CCDC73: variants seen among roughly 807,000 people sequenced by gnomAD.
The protein encoded by CCDC73 is coiled-coil domain containing 73.
A neutral mutation model predicts 116.5 loss-of-function variants in CCDC73; 95 were observed. The observed-to-expected ratio is 0.82, with a 90% CI of 0.69 to 0.97. The LOEUF (loss-of-function observed/expected upper bound fraction) is 0.97. Among genes scored for constraint, CCDC73 ranks in the 50% least tolerant of loss-of-function variants. The pLI, the probability that CCDC73 is intolerant of heterozygous loss-of-function variation, is 0.00. For synonymous variants in CCDC73, 398 were observed against 401.3 expected (o/e 0.99, Z 0.10); for missense variants, 1,066 against 1,206.8 (o/e 0.88, Z 1.73).
intron 13 of CCDC73, among the ~76,000 whole-genome samples, chr11:32,639,724 C>T (rs1460348843): frequency 2.0e-5 from 3 of 152,334 alleles, no homozygotes; most frequent in East Asian, 3.9e-4. Context: ...GCTGGGATTA[C>T]AGGCATGAGC....
Position 32,614,447 on chromosome 11 carries a change from T to C in CCDC73, c.1871A>G (p.Gln624Arg), listed in dbSNP as rs1855455682. The C allele has an allele frequency of 6.2e-7, 1 of 1,613,528 alleles. No homozygotes were observed. The highest frequency in any genetic ancestry group is 1.3e-5 in the African/African-American group (1 of 74,900). Residue 624 changes from glutamine (Q) to arginine (R), a missense_variant, in exon 16 of 18, where the codon CAA (glutamine) becomes CGA (arginine). Physicochemically the swap from Gln to Arg is conservative, Grantham distance 43. Coordinates refer to ENST00000335185, the MANE Select transcript of CCDC73 (RefSeq NM_001008391.4). Reference sequence around the variant, plus strand: ...AGACGAGTCCAAATCTGCTTTGGTTTGGTCACTATTTGTAATTTCCTTCTC... The same window carrying C: ...AGACGAGTCCAAATCTGCTTTGGTTCGGTCACTATTTGTAATTTCCTTCTC... ...ALEKEITNSD[Q>R]TKADLDSSLD...
At chr11:32,671,167 T>C (rs1479932442) in intron 9 of CCDC73, among the ~76,000 whole-genome samples, 1 of 152,124 alleles carries the variant, frequency 6.6e-6, no homozygotes, top group East Asian at 1.9e-4. Flanking sequence ...GTCATAAATA[T>C]TGCGCTCTTT....
chr11:32,746,137 T>G (rs924802946), intron 2 of CCDC73, among the ~76,000 whole-genome samples: 4 of 152,214 alleles, frequency 2.6e-5, no homozygotes, highest in African/African-American at 9.6e-5. Flanking sequence ...ACAAAATCTC[T>G]CAGCATTTGC....
At chr11:32,694,171 G>A (rs1359434104) in intron 6 of CCDC73, among the ~76,000 whole-genome samples, 3 of 152,136 alleles carry the variant, frequency 2.0e-5, no homozygotes, top group Non-Finnish European at 4.4e-5. Flanking sequence ...AAACCCCATC[G>A]TCTCAGCCCA....
chr11:32,806,710 C>T, the CCDC73 span, among the ~76,000 whole-genome samples: 1 of 151,914 alleles, frequency 6.6e-6, no homozygotes, highest in Non-Finnish European at 1.5e-5. Flanking sequence ...TTAGCCTCCC[C>T]AGGTCCAAAT....
chr11:32,619,948 G>C (rs970695710), intron 14 of CCDC73, among the ~76,000 whole-genome samples: 2 of 151,740 alleles, frequency 1.3e-5, no homozygotes, highest in African/African-American at 4.8e-5. Context: ...TATTTTGAGA[G>C]GAAAAGAAAA....
intron 9 of CCDC73, among the ~76,000 whole-genome samples, chr11:32,662,941 G>T (rs1488107195): frequency 6.6e-6 from 1 of 152,268 alleles, no homozygotes; most frequent in Admixed American, 6.5e-5. Flanking sequence ...TTACTGAATA[G>T]GGAATCCTTT....
At chr11:32,657,460 G>A (rs958816039) in intron 9 of CCDC73, among the ~76,000 whole-genome samples, 3 of 152,198 alleles carry the variant, frequency 2.0e-5, no homozygotes, top group Non-Finnish European at 4.4e-5. Flanking sequence ...GAAGGGGGTA[G>A]ACCTTGAGCT....
chr11:32,828,603 C>T, the CCDC73 span, among the ~76,000 whole-genome samples: 3 of 151,906 alleles, frequency 2.0e-5, no homozygotes, highest in African/African-American at 7.3e-5. Context: ...AATAGTGTTT[C>T]AAAGAACTGT....
chr11:32,735,245 T>C (rs996223405), intron 2 of CCDC73, among the ~76,000 whole-genome samples: 1 of 152,184 alleles, frequency 6.6e-6, no homozygotes, highest in African/African-American at 2.4e-5. Context: ...TGTTTGCAGA[T>C]GACATGATTG....
chr11:32,796,587 T>A (rs1850729638), upstream of CCDC73, among the ~76,000 whole-genome samples: 1 of 152,212 alleles, frequency 6.6e-6, no homozygotes, highest in Non-Finnish European at 1.5e-5. Context: ...ATCAGTGCTA[T>A]GGTTTGAATG....
chr11:32,773,098 G>A lies in CCDC73; in HGVS notation c.-15-12840C>T, dbSNP rs188535027. ...AGAATGTTAGTCCACAATAAGAAGG[G>A]GTGAAGTAATGACACATGCAACAAC... is the stretch of plus-strand genomic sequence containing the variant. On this transcript the variant is annotated intron_variant, in intron 1 of 17. Coordinates refer to ENST00000335185, the MANE Select transcript of CCDC73 (RefSeq NM_001008391.4). Among the ~76,000 whole-genome samples, 19 of 152,204 alleles carry A rather than the reference G, an allele frequency of 1.2e-4. No homozygotes were observed. In the East Asian group the frequency reaches 3.3e-3, roughly 26 times the overall value.
chr11:32,677,494 A>T (rs1856099454), intron 7 of CCDC73, among the ~76,000 whole-genome samples: 1 of 152,144 alleles, frequency 6.6e-6, no homozygotes, highest in African/African-American at 2.4e-5. Context: ...ATCTGAACTG[A>T]TATGAGACCT....
chr11:32,758,344 C>T lies in CCDC73; in HGVS notation c.135+1765G>A. 2 of 504,802 alleles carry T rather than the reference C, an allele frequency of 4.0e-6. 1 individual carries two copies. The highest frequency in any genetic ancestry group is 4.0e-5 in the Admixed American group (2 of 50,336). The allele number at this position is 504,802 out of a possible 1,614,324, so 31.3% of individuals were successfully genotyped here. ...AACAAAACTAGGCTGTCCCAAACCC[C>T]TGGTAATAGAATTGTTTACCTTTAT... On this transcript the variant is annotated intron_variant, in intron 2 of 17. Transcript: ENST00000335185.
intron 14 of CCDC73, 103 bp from the exon 15 acceptor site, chr11:32,616,232 C>A: frequency 8.6e-7 from 1 of 1,158,218 alleles, no homozygotes; most frequent in Non-Finnish European, 1.2e-6. Flanking sequence ...TTCAACCATT[C>A]AGCAATTTCT....
intron 2 of CCDC73, among the ~76,000 whole-genome samples, chr11:32,732,287 T>A (rs1850086079): frequency 6.6e-6 from 1 of 152,132 alleles, no homozygotes; most frequent in Admixed American, 6.6e-5. Flanking sequence ...CAAATTTACG[T>A]CTGATTGGTG....
chr11:32,701,108 C>T (rs1033191875), intron 4 of CCDC73, among the ~76,000 whole-genome samples: 12 of 152,286 alleles, frequency 7.9e-5, no homozygotes, highest in South Asian at 2.1e-4. Flanking sequence ...CTTCCCACCT[C>T]GGTCTCCCAA....
intron 12 of CCDC73, among the ~76,000 whole-genome samples, chr11:32,651,503 G>A (rs1855825924): frequency 1.3e-5 from 2 of 152,184 alleles, no homozygotes; most frequent in Non-Finnish European, 2.9e-5. Flanking sequence ...ACGGGAACGA[G>A]GAGTAGGAGG....
At chr11:32,636,517 G>T (rs888900400) in intron 13 of CCDC73, among the ~76,000 whole-genome samples, 1 of 151,998 alleles carries the variant, frequency 6.6e-6, no homozygotes, top group African/African-American at 2.4e-5. Context: ...TTCCACTGAG[G>T]CGAAAAATAT....
Sources: gnomAD v4.1 joint callset for allele counts (sites outside exome capture counted in the v4.1 genomes callset) on GRCh38, gnomAD v4.1.1 for gene constraint, MANE v1.5 for transcripts, NCBI Gene and HGNC (gene_info 2026-07-23, HGNC 2026-07-21) for gene names.